The following PPARA variants were observed in gnomAD, a reference collection of about 807,000 sequenced individuals.
PPARA encodes the protein peroxisome proliferator activated receptor alpha, also known as peroxisome proliferator-activated receptor alpha.
In PPARA, 22 loss-of-function variants were observed where a neutral mutation model predicts 42.2. That is an observed-to-expected ratio of 0.52 (90% CI 0.37 to 0.74). The LOEUF is 0.74. PPARA is among the 30% of genes least tolerant of loss of function. The pLI, the probability that PPARA is intolerant of heterozygous loss-of-function variation, is 0.00. For missense variants in PPARA, 465 were observed against 608.2 expected, an observed-to-expected ratio of 0.76 and a Z score of 2.48; for synonymous variants, 242 against 239.3, an observed-to-expected ratio of 1.01 and a Z score of -0.10.
rs544275442 is a variant in PPARA at position 46,177,010 on chromosome 22, A to G, written c.-43+174A>G. On this transcript the variant is annotated intron_variant, in intron 3 of 8. Coordinates refer to ENST00000407236, the MANE Select transcript of PPARA (RefSeq NM_005036.6). ...CAGATCACGAGGTTAGGAGATTGAG[A>G]CCATCCTGGCTAACACAGTGAAACC... is the stretch of plus-strand genomic sequence containing the variant. Among the ~76,000 whole-genome samples, 81 of 152,308 alleles carry G rather than the reference A, an allele frequency of 5.3e-4. 1 individual carries two copies. The highest frequency in any genetic ancestry group is 9.6e-4 in the East Asian group (5 of 5,186).
rs1936404256 is a variant in PPARA at position 46,242,700 on chromosome 22, C to T, written c.*7320C>T. ...AAACACAAAGGAAGCTGAAATCAAA[C>T]ATCTAAAATACACTGCGTACACGTG... is the stretch of plus-strand genomic sequence containing the variant. On this transcript the variant is annotated 3_prime_UTR_variant, in exon 9 of 9. Transcript: ENST00000407236. This position sits in a 1 kb window ranked among gnomAD's most constrained non-coding sequence, Gnocchi z 6.1. 6.6e-6 allele frequency: 1 copy of T among 151,680 alleles called. No individual in the cohort carries two copies. 9.4% of individuals were successfully genotyped at this position (151,680 alleles called of 1,614,324 possible).
At chr22:46,155,012 A>C (rs988656760) in intron 2 of PPARA, 5 of 143,432 alleles carry the variant, frequency 3.5e-5, no homozygotes, top group Admixed American at 6.8e-5. Flanking sequence ...AAAAAAAAAA[A>C]AAAAAAAAAA....
chr22:46,239,852 C>T lies in PPARA; in HGVS notation c.*4472C>T, dbSNP rs937512432. 1 of 241,222 alleles carries T rather than the reference C, an allele frequency of 4.1e-6. No homozygotes were observed. Among genetic ancestry groups the T allele is most frequent in the Non-Finnish European group, 7.9e-6 (1 of 126,622 alleles). 14.9% of individuals were successfully genotyped at this position (241,222 alleles called of 1,614,324 possible). ...GTGTTTGGTTCCAAGCACTTCCCAC[C>T]TCAAACTCCCATTTTCAAACCACTG... On this transcript the variant is annotated 3_prime_UTR_variant, in exon 9 of 9. Transcript: ENST00000407236.
chr22:46,198,228 ACT>A (rs1932538896), intron 3 of PPARA, 112 bp from the exon 4 acceptor site: 2 of 274,642 alleles, frequency 7.3e-6, no homozygotes, highest in East Asian at 1.4e-4. Context: ...ACAGACTGAG[ACT>A]CTGTCTCAAA....
chr22:46,228,948 C>CA (rs375441298), intron 7 of PPARA, among the ~76,000 whole-genome samples: 8,396 of 149,356 alleles, frequency 0.056, 783 homozygotes, highest in African/African-American at 0.19. Context: ...ACTAAAAATA[C>CA]AAAAAAAAAT....
rs1931231843 is a variant in PPARA, at chr22:46,189,330, T to C, written c.-42-9012T>C. On this transcript the variant is annotated intron_variant, in intron 3 of 8. Coordinates refer to ENST00000407236, the MANE Select transcript of PPARA (RefSeq NM_005036.6). ...TTTGTGTAAAGTCCGTAGGGAGTTT[T>C]CTTGGAAATGGCTGGGAACATTCTT... Among the ~76,000 whole-genome samples, 3 of 152,272 alleles carry C rather than the reference T, an allele frequency of 2.0e-5. No individual in the cohort carries two copies. The South Asian group carries it at 6.2e-4, about 31-fold the overall frequency.
Position 46,191,518 on chromosome 22 carries a change from T to C in PPARA, c.-42-6824T>C, listed in dbSNP as rs11912612. Among the ~76,000 whole-genome samples the C allele has an allele frequency of 6.6e-6, 1 of 151,944 alleles. No individual in the cohort carries two copies. Among genetic ancestry groups the C allele is most frequent in the South Asian group, 2.1e-4 (1 of 4,814 alleles). ...TTTTTTTTTCCTTTTGCTGGCTTTG[T>C]TTTCCTGTCCCTGTGATGATTAAAA... On this transcript the variant is annotated intron_variant, in intron 3 of 8. Transcript: ENST00000407236. This position sits in a 1 kb window ranked among gnomAD's most constrained non-coding sequence, Gnocchi z 4.6.
At position 46,198,572 on chromosome 22, in the gene PPARA, A is replaced by C. The variant is rs1383680987; in HGVS notation, c.189A>C (p.Ser63=). ...EYQYLGSCPG[S]DGSVITDTLS... ...AGTATTTAGGAAGCTGTCCTGGCTC[A>C]GATGGCTCGGTCATCACGGGTAAGT... is the stretch of plus-strand genomic sequence containing the variant. The change falls in exon 4 of 9, where the codon TCA becomes TCC. Residue 63 remains serine (S), a synonymous_variant. Coordinates refer to ENST00000407236, the MANE Select transcript of PPARA (RefSeq NM_005036.6). 1 of 1,613,798 alleles carries C rather than the reference A, an allele frequency of 6.2e-7. No homozygotes were observed. The highest frequency in any genetic ancestry group is 8.5e-7 in the Non-Finnish European group (1 of 1,179,824).
chr22:46,181,471 G>A (rs1175692672), intron 3 of PPARA, among the ~76,000 whole-genome samples: 1 of 152,188 alleles, frequency 6.6e-6, no homozygotes. Context: ...ACGAAAGTGA[G>A]AGTGAGTGTG....
At chr22:46,223,312 T>G (rs1935143133) in intron 7 of PPARA, among the ~76,000 whole-genome samples, 1 of 151,996 alleles carries the variant, frequency 6.6e-6, no homozygotes, top group South Asian at 2.1e-4. Context: ...ATGCAGCAAC[T>G]AGCAGGCGGG....
chr22:46,198,805 T>C (rs1164279845), intron 4 of PPARA, among the ~76,000 whole-genome samples: 4 of 151,800 alleles, frequency 2.6e-5, no homozygotes, highest in East Asian at 1.9e-4. Flanking sequence ...GGACTACAGG[T>C]GCCCGCCACC....
At chr22:46,172,932 C>G (rs1928324800) in intron 2 of PPARA, among the ~76,000 whole-genome samples, 1 of 152,174 alleles carries the variant, frequency 6.6e-6, no homozygotes, top group African/African-American at 2.4e-5. Context: ...TGAATAAACC[C>G]TTACTAGATT....
chr22:46,189,005 C>G (rs2147313906), intron 3 of PPARA, among the ~76,000 whole-genome samples: 1 of 152,368 alleles, frequency 6.6e-6, no homozygotes, highest in Non-Finnish European at 1.5e-5. Context: ...TCCTCGTCAT[C>G]TGGCTGCTAA....
Position 46,231,874 on chromosome 22 carries a change from A to G in PPARA, c.794A>G (p.Asn265Ser), listed in dbSNP as rs556891293. The G allele has an allele frequency of 6.2e-7, 1 of 1,614,206 alleles. No individual in the cohort carries two copies. The highest frequency in any genetic ancestry group is 1.1e-5 in the South Asian group (1 of 91,088). The stretch of plus-strand genomic sequence containing the variant: ...AAGCTGGTGGCCAATGGCATCCAGA[A>G]CAAGGAGGCGGAGGTCCGCATCTTT... ...VAKLVANGIQ[N>S]KEAEVRIFHC... The change falls in exon 8 of 9, where the codon AAC becomes AGC. Residue 265 changes from asparagine to serine, a missense_variant. Coordinates refer to ENST00000407236, the MANE Select transcript of PPARA (RefSeq NM_005036.6). This position sits in a 1 kb window ranked among gnomAD's most constrained non-coding sequence, Gnocchi z 7.7.
chr22:46,241,342 T>C lies in PPARA; in HGVS notation c.*5962T>C, dbSNP rs41427746. On this transcript the variant is annotated 3_prime_UTR_variant, in exon 9 of 9. Transcript: ENST00000407236. The surrounding 1 kb of genome is among the most constrained non-coding windows in gnomAD (Gnocchi z 5.7). ...AGAATATAGGAGATCCATATATTTC[T>C]CTGGAAACCACAGTGTACACTAAAA... 0.16 allele frequency: 24,819 copies of C among 152,290 alleles called. 2,830 individuals carry two copies. Among genetic ancestry groups the C allele is most frequent in the African/African-American group, 0.32 (13,362 of 41,538 alleles). 9.4% of individuals were successfully genotyped at this position (152,290 alleles called of 1,614,324 possible).
rs1007379394 is a variant in PPARA, at chr22:46,242,312, C to T, written c.*6932C>T. Reference sequence around the variant, plus strand: ...GTCAGAGAGGGTCAGCCTTCAGGCCCCGGAGACGAGTGACTGGCCGATCAT... The same window carrying T: ...GTCAGAGAGGGTCAGCCTTCAGGCCTCGGAGACGAGTGACTGGCCGATCAT... On this transcript the variant is annotated 3_prime_UTR_variant, in exon 9 of 9. Transcript: ENST00000407236. The surrounding 1 kb of genome is among the most constrained non-coding windows in gnomAD (Gnocchi z 6.1). 1 of 152,626 alleles carries T rather than the reference C, an allele frequency of 6.6e-6. No individual in the cohort carries two copies. The highest frequency in any genetic ancestry group is 1.5e-5 in the Non-Finnish European group (1 of 68,044). The allele number at this position is 152,626 out of a possible 1,614,324, so 9.5% of individuals were successfully genotyped here.
At chr22:46,210,728 G>A (rs1933850363) in intron 4 of PPARA, among the ~76,000 whole-genome samples, 1 of 152,210 alleles carries the variant, frequency 6.6e-6, no homozygotes. Flanking sequence ...ACAGGCATGA[G>A]CCACCGTGCC....
rs1325069338 is a variant in PPARA at position 46,211,308 on chromosome 22, C to T, written c.209-3865C>T. 6.6e-6 allele frequency among the ~76,000 whole-genome samples: 1 copy of T among 152,156 alleles called. No homozygotes were observed. Among genetic ancestry groups the T allele is most frequent in the Admixed American group, 6.6e-5 (1 of 15,256 alleles). ...CTGTCAATTCACCATTCCTTGAGTT[C>T]ATGGTTCATTTTCAGTATACCTGCA... is the stretch of plus-strand genomic sequence containing the variant. On this transcript the variant is annotated intron_variant, in intron 4 of 8. Coordinates refer to ENST00000407236, the MANE Select transcript of PPARA (RefSeq NM_005036.6). The surrounding 1 kb of genome is among the most constrained non-coding windows in gnomAD (Gnocchi z 4.1).
rs1162861606 is a variant in PPARA at position 46,185,895 on chromosome 22, C to CAAAA, written c.-43+9078_-43+9081dup. Among the ~76,000 whole-genome samples the CAAAA allele has an allele frequency of 9.7e-4, 19 of 19,682 alleles. 1 individual carries two copies. Among genetic ancestry groups the CAAAA allele is most frequent in the East Asian group, 6.0e-3 (2 of 332 alleles). 12.9% of individuals were successfully genotyped at this position (19,682 alleles called of 152,430 possible). A position where few individuals can be genotyped will look rare whatever the true frequency, so the allele number is the denominator to read the frequency against. On this transcript the variant is annotated intron_variant, in intron 3 of 8. Coordinates refer to ENST00000407236, the MANE Select transcript of PPARA (RefSeq NM_005036.6). ...GGGTGACAAAGTGAGACTCCGTCTC[C>CAAAA]AAAAAAAAAAAAAAAAAAAAAATAT...
Sources: allele counts gnomAD v4.1 joint callset (sites outside exome capture counted in the v4.1 genomes callset), GRCh38; gene constraint gnomAD v4.1.1; non-coding constraint Gnocchi (gnomAD v3.1); transcripts MANE v1.5; gene names NCBI Gene and HGNC (gene_info 2026-07-23, HGNC 2026-07-21).